Variants in PCDH9 observed in about 807,000 individuals in gnomAD.
PCDH9 encodes protocadherin 9, also known as protocadherin-9.
In PCDH9, 24 loss-of-function variants were observed where a neutral mutation model predicts 70.6. The observed-to-expected ratio is 0.34, with a 90% CI of 0.25 to 0.48. PCDH9 has a LOEUF of 0.48. Ranked by LOEUF, PCDH9 falls within the 20% of genes least tolerant of loss-of-function variation. PCDH9 has a pLI of 0.99. For synonymous variants in PCDH9, 562 were observed against 558.5 expected (o/e 1.01, Z -0.09); for missense variants, 1,281 against 1,503.6 (o/e 0.85, Z 2.45).
chr13:66,828,432 C>G (rs181528763), intron 3 of PCDH9, among the ~76,000 whole-genome samples: 1 of 152,280 alleles, frequency 6.6e-6, no homozygotes, highest in African/African-American at 2.4e-5. Context: ...TTTACCCCCA[C>G]TTATCCAGAG....
intron 2 of PCDH9, among the ~76,000 whole-genome samples, chr13:66,931,058 T>A (rs1390361174): frequency 6.6e-6 from 1 of 152,160 alleles, no homozygotes; most frequent in African/African-American, 2.4e-5. Context: ...GAAACCTATC[T>A]TTTCTGTCCA....
intron 2 of PCDH9, chr13:67,217,628 C>G (rs1447164857): frequency 6.6e-6 from 1 of 151,978 alleles, no homozygotes; most frequent in Non-Finnish European, 1.5e-5. Context: ...ACAAATGCAG[C>G]AAAGATGAAT....
intron 4 of PCDH9, among the ~76,000 whole-genome samples, chr13:66,562,358 T>C (rs1238783826): frequency 2.0e-5 from 3 of 152,110 alleles, no homozygotes; most frequent in Non-Finnish European, 4.4e-5. Context: ...GATCTCAGTA[T>C]AGCAGATATA....
In PCDH9 at chr13:66,489,384, C is replaced by T. The variant is rs901538420; in HGVS notation, c.3340+141826G>A. ...GGCTGGAGTGCAGTAGATTACAGCTCACTGCAGCCTTGACCTCCTGGACTC... is the reference window on the plus strand; with the variant it reads ...GGCTGGAGTGCAGTAGATTACAGCTTACTGCAGCCTTGACCTCCTGGACTC... On this transcript the variant is annotated intron_variant, in intron 4 of 4. Transcript: ENST00000377865. 3.3e-5 allele frequency among the ~76,000 whole-genome samples: 5 copies of T among 152,238 alleles called. No individual in the cohort carries two copies. In the South Asian group the frequency reaches 6.2e-4, roughly 19 times the overall value.
intron 4 of PCDH9, among the ~76,000 whole-genome samples, chr13:66,320,133 TATATATTTAACA>T (rs1382605865): frequency 6.6e-6 from 1 of 152,154 alleles, no homozygotes; most frequent in African/African-American, 2.4e-5. Context: ...AAATGTGCTT[TATATATTTAACA>T]AACACTGGGG....
intron 4 of PCDH9, among the ~76,000 whole-genome samples, chr13:66,561,728 G>A (rs1438461765): frequency 6.6e-6 from 1 of 152,006 alleles, no homozygotes; most frequent in Non-Finnish European, 1.5e-5. Flanking sequence ...GAACCGTTGT[G>A]TCTAGCTCAG....
At chr13:67,201,841 T>C (rs1351302702) in intron 2 of PCDH9, 1 of 152,044 alleles carries the variant, frequency 6.6e-6, no homozygotes, top group Non-Finnish European at 1.5e-5. Context: ...ACCAATTTAA[T>C]ATACTGTACT....
intron 3 of PCDH9, among the ~76,000 whole-genome samples, chr13:66,852,653 C>T (rs2081333057): frequency 6.6e-6 from 1 of 152,130 alleles, no homozygotes; most frequent in Admixed American, 6.6e-5. Flanking sequence ...AGAACTTGTT[C>T]CTGGCCTCTC....
At chr13:66,556,536 A>T (rs903349165) in intron 4 of PCDH9, among the ~76,000 whole-genome samples, 5 of 152,150 alleles carry the variant, frequency 3.3e-5, no homozygotes, top group Non-Finnish European at 7.4e-5. Context: ...TGGGAAATAC[A>T]GGAAAACAAA....
chr13:66,812,145 C>G (rs1443952905), intron 3 of PCDH9, among the ~76,000 whole-genome samples: 2 of 151,954 alleles, frequency 1.3e-5, no homozygotes, highest in Non-Finnish European at 2.9e-5. Flanking sequence ...ATGGATTGAG[C>G]CTCTTCTTTC....
intron 2 of PCDH9, among the ~76,000 whole-genome samples, chr13:66,932,342 C>A (rs2082824835): frequency 6.6e-6 from 1 of 152,200 alleles, no homozygotes; most frequent in South Asian, 2.1e-4. Context: ...AGCCATAAAT[C>A]ACTTTGAAGA....
intron 4 of PCDH9, among the ~76,000 whole-genome samples, chr13:66,337,034 G>A (rs542798148): frequency 5.3e-5 from 8 of 151,904 alleles, no homozygotes; most frequent in African/African-American, 1.9e-4. Flanking sequence ...CTTAGGGAAT[G>A]TTTCTTTCCC....
chr13:66,517,135 T>A (rs1959774187), intron 4 of PCDH9, among the ~76,000 whole-genome samples: 1 of 152,124 alleles, frequency 6.6e-6, no homozygotes, highest in Non-Finnish European at 1.5e-5. Flanking sequence ...ATTTCTGGTA[T>A]CTTTAATTTA....
At chr13:66,654,222 A>G (rs914939357) in intron 3 of PCDH9, among the ~76,000 whole-genome samples, 1 of 152,182 alleles carries the variant, frequency 6.6e-6, no homozygotes, top group African/African-American at 2.4e-5. Flanking sequence ...ACAGAAATAC[A>G]AACTTCAAAT....
intron 3 of PCDH9, among the ~76,000 whole-genome samples, chr13:66,828,849 GATA>G (rs914942701): frequency 7.9e-6 from 1 of 127,340 alleles, no homozygotes; most frequent in Non-Finnish European, 1.9e-5. Context: ...ACAATGTGGG[GATA>G]AAAAAAGTTC....
At chr13:66,774,896 G>T (rs1174805932) in intron 3 of PCDH9, among the ~76,000 whole-genome samples, 1 of 151,996 alleles carries the variant, frequency 6.6e-6, no homozygotes, top group African/African-American at 2.4e-5. Flanking sequence ...GGTTCCCTGG[G>T]AATTTCATCC....
intron 3 of PCDH9, among the ~76,000 whole-genome samples, chr13:66,891,686 A>C (rs2082098450): frequency 1.3e-5 from 2 of 152,146 alleles, no homozygotes; most frequent in South Asian, 4.1e-4. Flanking sequence ...AAAAAGTATA[A>C]ACAGCTTCCC....
chr13:66,522,642 A>T (rs897192904), intron 4 of PCDH9, among the ~76,000 whole-genome samples: 2 of 152,012 alleles, frequency 1.3e-5, no homozygotes, highest in African/African-American at 4.8e-5. Flanking sequence ...GTCCAATGAC[A>T]AGTGTCCTAG....
intron 4 of PCDH9, among the ~76,000 whole-genome samples, chr13:66,526,603 T>C (rs544144124): frequency 6.6e-6 from 1 of 152,024 alleles, no homozygotes; most frequent in Non-Finnish European, 1.5e-5. Flanking sequence ...CAGTTCACCA[T>C]AATTTGTCTT....
Sources: allele counts gnomAD v4.1 joint callset (sites outside exome capture counted in the v4.1 genomes callset), GRCh38; gene constraint gnomAD v4.1.1; transcripts MANE v1.5; gene names NCBI Gene and HGNC (gene_info 2026-07-23, HGNC 2026-07-21).